The following PTPRK variants were observed in gnomAD, a reference collection of about 807,000 sequenced individuals.
The protein encoded by PTPRK is receptor-type tyrosine-protein phosphatase kappa.
Under a neutral mutation model 178.0 loss-of-function variants are expected in PTPRK, and 75 were observed. That is an observed-to-expected ratio of 0.42 (90% CI 0.35 to 0.51). The LOEUF is 0.51. Among genes scored for constraint, PTPRK ranks in the 20% least tolerant of loss-of-function variants. The probability of loss-of-function intolerance (pLI) is 0.02; values close to 1 mark genes in which losing one functional copy is unlikely to be tolerated. For missense variants in PTPRK, 1,441 were observed against 1,797.8 expected, an observed-to-expected ratio of 0.80 and a Z score of 3.59; for synonymous variants, 637 against 620.6, an observed-to-expected ratio of 1.03 and a Z score of -0.39.
rs77295396 is a variant in PTPRK at position 128,042,162 on chromosome 6, T to G, written c.2194+22596A>C. ...AAGGCAACCTAGGCCGCGTATCATATGCCTCAAAATTCTTCCAAGCTTCTG... is the reference window on the plus strand; with the variant it reads ...AAGGCAACCTAGGCCGCGTATCATAGGCCTCAAAATTCTTCCAAGCTTCTG... On this transcript the variant is annotated intron_variant, in intron 13 of 29. Coordinates refer to ENST00000368226, the MANE Select transcript of PTPRK (RefSeq NM_002844.4). Among the ~76,000 whole-genome samples, 6 of 152,176 alleles carry G rather than the reference T, an allele frequency of 3.9e-5. No homozygotes were observed. The East Asian group carries it at 9.6e-4, about 24-fold the overall frequency.
chr6:128,248,345 C>T (rs1478365356), intron 3 of PTPRK, among the ~76,000 whole-genome samples: 3 of 152,096 alleles, frequency 2.0e-5, no homozygotes, highest in Non-Finnish European at 4.4e-5. Context: ...TGAATTCTAC[C>T]ATGTGAACCT....
intron 1 of PTPRK, among the ~76,000 whole-genome samples, chr6:128,467,916 G>A (rs943098048): frequency 2.0e-5 from 3 of 151,560 alleles, no homozygotes; most frequent in Admixed American, 6.6e-5. Flanking sequence ...AGTATCAATA[G>A]CTTCAATTAG....
At chr6:128,094,141 T>C (rs1387277809) in intron 7 of PTPRK, among the ~76,000 whole-genome samples, 1 of 152,082 alleles carries the variant, frequency 6.6e-6, no homozygotes, top group Non-Finnish European at 1.5e-5. Context: ...TAGGAGATAA[T>C]ACAGGAAAGG....
At position 128,437,085 on chromosome 6, in the gene PTPRK, T is replaced by C. The variant is rs1347194778; in HGVS notation, c.101-39397A>G. Among the ~76,000 whole-genome samples, 7 of 152,186 alleles carry C rather than the reference T, an allele frequency of 4.6e-5. No homozygotes were observed. In the East Asian group the frequency reaches 1.3e-3, roughly 29 times the overall value. On this transcript the variant is annotated intron_variant, in intron 1 of 29. Coordinates refer to ENST00000368226, the MANE Select transcript of PTPRK (RefSeq NM_002844.4). ...GAAGGTGGGAAAAAGTCAAATCTGC[T>C]GGGTTACTTTCCCTGGGGTTCAGCA...
rs568031021 is a variant in PTPRK at position 128,443,081 on chromosome 6, T to G, written c.101-45393A>C. ...AAAATAACATGATAACATAGTACACTTCACAAAAAAAAAACCAAAAACAAT... is the reference window on the plus strand; with the variant it reads ...AAAATAACATGATAACATAGTACACGTCACAAAAAAAAAACCAAAAACAAT... On this transcript the variant is annotated intron_variant, in intron 1 of 29. Coordinates refer to ENST00000368226, the MANE Select transcript of PTPRK (RefSeq NM_002844.4). Among the ~76,000 whole-genome samples the G allele has an allele frequency of 3.4e-3, 507 of 149,926 alleles. 2 individuals are homozygous for G. The highest frequency in any genetic ancestry group is 0.01 in the Middle Eastern group (3 of 294).
intron 11 of PTPRK, among the ~76,000 whole-genome samples, chr6:128,070,318 C>T (rs1299682589): frequency 2.0e-5 from 3 of 151,876 alleles, no homozygotes; most frequent in Admixed American, 6.6e-5. Flanking sequence ...TATTTGTGCC[C>T]CCTCCCCCAA....
At chr6:128,249,502 G>T (rs1816093923) in intron 3 of PTPRK, among the ~76,000 whole-genome samples, 1 of 152,034 alleles carries the variant, frequency 6.6e-6, no homozygotes, top group Non-Finnish European at 1.5e-5. Flanking sequence ...TCTCCATGAA[G>T]TTACTGGATG....
At chr6:128,272,520 C>T (rs1820008194) in intron 3 of PTPRK, among the ~76,000 whole-genome samples, 1 of 152,046 alleles carries the variant, frequency 6.6e-6, no homozygotes, top group Admixed American at 6.6e-5. Context: ...AAGAAAAAAT[C>T]AAACAATCTC....
chr6:127,981,436 C>G (rs1274349172), intron 24 of PTPRK, 147 bp from the exon 25 acceptor site: 1 of 657,590 alleles, frequency 1.5e-6, no homozygotes, highest in East Asian at 2.8e-5. Flanking sequence ...GCTGATAGAC[C>G]TTGTAGTTAA....
At chr6:128,123,110 G>C (rs1792745168) in intron 7 of PTPRK, among the ~76,000 whole-genome samples, 1 of 152,100 alleles carries the variant, frequency 6.6e-6, no homozygotes, top group African/African-American at 2.4e-5. Context: ...AATCTGAAAA[G>C]GAGAAAACAG....
intron 3 of PTPRK, among the ~76,000 whole-genome samples, chr6:128,276,922 A>G (rs1188533430): frequency 6.6e-6 from 1 of 152,050 alleles, no homozygotes; most frequent in Non-Finnish European, 1.5e-5. Flanking sequence ...AGATATATAT[A>G]CTCTTCCAAA....
intron 3 of PTPRK, among the ~76,000 whole-genome samples, chr6:128,264,021 C>G (rs1818575489): frequency 6.6e-6 from 1 of 152,106 alleles, no homozygotes; most frequent in African/African-American, 2.4e-5. Context: ...ACTACTACAT[C>G]AAGCAAACTA....
intron 13 of PTPRK, among the ~76,000 whole-genome samples, chr6:128,052,075 T>C (rs773650071): frequency 4.6e-5 from 7 of 152,178 alleles, no homozygotes; most frequent in Non-Finnish European, 1.0e-4. Context: ...TATTCTTTAA[T>C]GTAATCACTC....
intron 1 of PTPRK, chr6:128,472,638 A>C: frequency 3.4e-6 from 1 of 297,044 alleles, no homozygotes; most frequent in Non-Finnish European, 6.5e-6. Context: ...TAATATTTTT[A>C]AAACAACTTG....
At chr6:128,432,950 A>T (rs1845028528) in intron 1 of PTPRK, among the ~76,000 whole-genome samples, 1 of 151,996 alleles carries the variant, frequency 6.6e-6, no homozygotes, top group South Asian at 2.1e-4. Flanking sequence ...TAAATATTTT[A>T]TCCTTTATTC....
chr6:128,086,262 C>A (rs1785799224), intron 8 of PTPRK, among the ~76,000 whole-genome samples: 1 of 152,050 alleles, frequency 6.6e-6, no homozygotes, highest in Non-Finnish European at 1.5e-5. Flanking sequence ...AGCATTATAG[C>A]CTTTAAAATG....
intron 7 of PTPRK, among the ~76,000 whole-genome samples, chr6:128,177,486 T>G (rs1583342973): frequency 6.6e-6 from 1 of 151,870 alleles, no homozygotes; most frequent in African/African-American, 2.4e-5. Flanking sequence ...CAGCATGTGG[T>G]AAAGTACTAT....
At chr6:128,082,026 G>C (rs1784913304) in intron 10 of PTPRK, among the ~76,000 whole-genome samples, 1 of 152,008 alleles carries the variant, frequency 6.6e-6, no homozygotes. Flanking sequence ...CAGGGAAAAT[G>C]AAACAGAAAC....
intron 1 of PTPRK, among the ~76,000 whole-genome samples, chr6:128,406,558 T>A (rs1426652160): frequency 6.6e-6 from 1 of 152,162 alleles, no homozygotes; most frequent in Non-Finnish European, 1.5e-5. Context: ...TAATGACAGT[T>A]TAGCCTTCTG....
Sources: allele counts gnomAD v4.1 joint callset (sites outside exome capture counted in the v4.1 genomes callset), GRCh38; gene constraint gnomAD v4.1.1; transcripts MANE v1.5; gene names NCBI Gene and HGNC (gene_info 2026-07-23, HGNC 2026-07-21).